The following SLC39A11 variants were observed in gnomAD, a reference collection of about 807,000 sequenced individuals.
The protein encoded by SLC39A11 is solute carrier family 39 member 11, also known as zinc transporter ZIP11.
A neutral mutation model predicts 36.1 loss-of-function variants in SLC39A11; 33 were observed. That is an observed-to-expected ratio of 0.91 (90% confidence interval 0.69 to 1.22). SLC39A11 has a LOEUF of 1.22. Among genes scored for constraint, SLC39A11 ranks in the 50% most tolerant of loss-of-function variants. SLC39A11 has a pLI of 0.00. For missense variants in SLC39A11, 432 were observed against 430.3 expected, an observed-to-expected ratio of 1.00 and a Z score of -0.03; for synonymous variants, 166 against 170.3, an observed-to-expected ratio of 0.97 and a Z score of 0.20.
chr17:72,834,362 C>T (rs537810419), intron 6 of SLC39A11, among the ~76,000 whole-genome samples: 4 of 152,326 alleles, frequency 2.6e-5, no homozygotes, highest in South Asian at 4.1e-4. Flanking sequence ...TGGCTCACGC[C>T]TATAATCCCA....
At chr17:72,948,302 C>T in intron 4 of SLC39A11, among the ~76,000 whole-genome samples, 1 of 150,382 alleles carries the variant, frequency 6.6e-6, no homozygotes, top group Non-Finnish European at 1.5e-5. Context: ...CAAGCGTCAT[C>T]GCCGCACGCA....
Position 72,777,168 on chromosome 17 carries a change from G to C in SLC39A11, c.602-40449C>G, listed in dbSNP as rs191611416. ...AAAACAACAATAACAAATCCCTATCGAACTATGTGCATTTTAAGAGGGGAC... is the reference window on the plus strand; with the variant it reads ...AAAACAACAATAACAAATCCCTATCCAACTATGTGCATTTTAAGAGGGGAC... On this transcript the variant is annotated intron_variant, in intron 6 of 9. Transcript: ENST00000255559. Among the ~76,000 whole-genome samples the C allele has an allele frequency of 3.8e-3, 571 of 152,182 alleles. 6 individuals carry two copies. Among genetic ancestry groups the C allele is most frequent in the Admixed American group, 0.021 (317 of 15,276 alleles).
At chr17:72,880,976 C>T (rs528387352) in intron 5 of SLC39A11, among the ~76,000 whole-genome samples, 9 of 148,130 alleles carry the variant, frequency 6.1e-5, no homozygotes, top group Non-Finnish European at 1.2e-4. Flanking sequence ...CCTCTGCACC[C>T]GGCCTAAGAT....
chr17:72,861,547 G>T (rs780629065), intron 5 of SLC39A11, among the ~76,000 whole-genome samples: 2 of 150,762 alleles, frequency 1.3e-5, no homozygotes, highest in Non-Finnish European at 3.0e-5. Context: ...TGGCTGGCTG[G>T]TTATCCAGAG....
Position 73,015,102 on chromosome 17 carries a change from A to T in SLC39A11, c.306+16454T>A, listed in dbSNP as rs1046341792. Among the ~76,000 whole-genome samples the T allele has an allele frequency of 3.3e-5, 5 of 152,146 alleles. No homozygotes were observed. In the East Asian group the frequency reaches 9.6e-4, roughly 29 times the overall value. The stretch of plus-strand genomic sequence containing the variant: ...TATCCCTCCCAAATACTGAGTTTCC[A>T]TCCTACTCTGGTATGGCCTCACAGC... On this transcript the variant is annotated intron_variant, in intron 4 of 9. Transcript: ENST00000255559.
intron 3 of SLC39A11, among the ~76,000 whole-genome samples, chr17:73,037,561 C>A (rs928456608): frequency 2.0e-4 from 30 of 152,242 alleles, no homozygotes; most frequent in African/African-American, 6.5e-4. Flanking sequence ...TGGTAGAGAA[C>A]AAAAGTCCTT....
chr17:72,855,170 A>T (rs982191462), intron 5 of SLC39A11, among the ~76,000 whole-genome samples: 4 of 152,216 alleles, frequency 2.6e-5, no homozygotes, highest in African/African-American at 9.6e-5. Context: ...ATTTTGAAAT[A>T]ATTGTCGGGT....
chr17:73,003,987 G>A (rs1450176377), intron 4 of SLC39A11, among the ~76,000 whole-genome samples: 1 of 151,872 alleles, frequency 6.6e-6, no homozygotes, highest in African/African-American at 2.4e-5. Flanking sequence ...TATGGAGGCT[G>A]AGGCAGGAGA....
intron 7 of SLC39A11, among the ~76,000 whole-genome samples, chr17:72,687,450 A>G (rs954055610): frequency 6.6e-6 from 1 of 152,160 alleles, no homozygotes; most frequent in African/African-American, 2.4e-5. Flanking sequence ...TCACCATGTT[A>G]GCCAGGATGG....
intron 6 of SLC39A11, among the ~76,000 whole-genome samples, chr17:72,737,768 G>C (rs907201148): frequency 1.3e-5 from 2 of 151,892 alleles, no homozygotes; most frequent in Non-Finnish European, 2.9e-5. Context: ...ATACCTCTTC[G>C]GCCAGAACAG....
chr17:72,907,461 G>A (rs2082717387), intron 5 of SLC39A11, among the ~76,000 whole-genome samples: 1 of 152,170 alleles, frequency 6.6e-6, no homozygotes, highest in African/African-American at 2.4e-5. Context: ...TGGCACTCCA[G>A]TCCACGTGAC....
At chr17:73,078,870 C>T (rs2144685130) in intron 3 of SLC39A11, among the ~76,000 whole-genome samples, 1 of 152,190 alleles carries the variant, frequency 6.6e-6, no homozygotes, top group Admixed American at 6.6e-5. Context: ...TCATTATCCA[C>T]TTAAAAACAG....
intron 5 of SLC39A11, among the ~76,000 whole-genome samples, chr17:72,871,404 C>A (rs561706885): frequency 1.3e-5 from 2 of 152,062 alleles, no homozygotes; most frequent in Non-Finnish European, 2.9e-5. Flanking sequence ...TACATGTGTG[C>A]GGTGCCTTTT....
At chr17:73,062,475 A>AAAAAAAAAAAAAAAAAAAAAAAAAC (rs56021607) in intron 3 of SLC39A11, among the ~76,000 whole-genome samples, 1,204 of 86,898 alleles carry the variant, frequency 0.014, 299 homozygotes, top group East Asian at 0.039. Context: ...AAAAAAAAAA[A>AAAAAAAAAAAAAAAAAAAAAAAAAC]AAACTTTAGG....
chr17:73,007,578 G>A (rs1400800408), intron 4 of SLC39A11, among the ~76,000 whole-genome samples: 1 of 152,174 alleles, frequency 6.6e-6, no homozygotes, highest in East Asian at 1.9e-4. Context: ...ACGAGAAAAG[G>A]CTCAAAAAGA....
intron 3 of SLC39A11, among the ~76,000 whole-genome samples, chr17:73,040,503 G>A (rs1295002650): frequency 6.6e-6 from 1 of 152,180 alleles, no homozygotes; most frequent in African/African-American, 2.4e-5. Context: ...ATAAAGTCTG[G>A]AGTTTAGGGA....
At chr17:73,069,406 T>A (rs1472559567) in intron 3 of SLC39A11, among the ~76,000 whole-genome samples, 5 of 152,240 alleles carry the variant, frequency 3.3e-5, no homozygotes, top group African/African-American at 1.2e-4. Context: ...ACATAGTAAG[T>A]GCTCACTAAA....
chr17:72,996,215 C>T (rs1459606019), intron 4 of SLC39A11, among the ~76,000 whole-genome samples: 2 of 152,308 alleles, frequency 1.3e-5, no homozygotes, highest in East Asian at 3.9e-4. Context: ...TACAGCCCTG[C>T]CTGGTGTCTC....
In SLC39A11 at chr17:73,034,964, C is replaced by T. The variant is rs146256198; in HGVS notation, c.148-3250G>A. On this transcript the variant is annotated intron_variant, in intron 3 of 9. Transcript: ENST00000255559. ...AGCCCCCTTCTTGAGAATCACTGCC[C>T]TTTATCTTTCCAGTCAAATTTAGGA... is the stretch of plus-strand genomic sequence containing the variant. Among the ~76,000 whole-genome samples, 7 of 152,250 alleles carry T rather than the reference C, an allele frequency of 4.6e-5. No individual in the cohort carries two copies. The East Asian group carries it at 1.4e-3, about 29-fold the overall frequency.
Sources: gnomAD v4.1 joint callset for allele counts (sites outside exome capture counted in the v4.1 genomes callset) on GRCh38, gnomAD v4.1.1 for gene constraint, MANE v1.5 for transcripts, NCBI Gene and HGNC (gene_info 2026-07-23, HGNC 2026-07-21) for gene names.